Variants in ZNF536 observed in about 807,000 individuals in gnomAD.
ZNF536 encodes the protein zinc finger protein 536.
ZNF536 carries 13 observed loss-of-function variants against 84.5 expected under a neutral mutation model. That is an observed-to-expected ratio of 0.15 (90% CI 0.10 to 0.24). The LOEUF is 0.24. Among genes scored for constraint, ZNF536 ranks in the 10% least tolerant of loss-of-function variants. ZNF536 has a pLI of 1.00. For missense variants in ZNF536, 1,536 were observed against 1,747.5 expected (o/e 0.88, Z 2.16); for synonymous variants, 811 against 742.5 (o/e 1.09, Z -1.50).
chr19:30,318,624 A>G (rs1368052176), intron 2 of ZNF536, among the ~76,000 whole-genome samples: 1 of 152,234 alleles, frequency 6.6e-6, no homozygotes, highest in Non-Finnish European at 1.5e-5. Context: ...GGCTAACAAG[A>G]GGCACATTAG....
intron 2 of ZNF536, among the ~76,000 whole-genome samples, chr19:30,306,868 T>C (rs1458070722): frequency 6.6e-6 from 1 of 152,112 alleles, no homozygotes; most frequent in Admixed American, 6.5e-5. Context: ...AGCTTAAGTG[T>C]AAGAGCCACA....
At chr19:30,558,956 T>G (rs1340042914), downstream of ZNF536, among the ~76,000 whole-genome samples, 2 of 152,122 alleles carry the variant, frequency 1.3e-5, no homozygotes, top group Non-Finnish European at 2.9e-5. Context: ...AAATGCTCAT[T>G]GAACAACCCT....
intron 2 of ZNF536, among the ~76,000 whole-genome samples, chr19:30,497,702 A>G (rs528789161): frequency 1.3e-5 from 2 of 152,190 alleles, no homozygotes; most frequent in East Asian, 1.9e-4. Context: ...TTAAGATATT[A>G]CTTTCCAAAA....
rs60352241 is a variant in ZNF536 at position 30,485,603 on chromosome 19, C to CTTT, written c.2170+39880_2170+39882dup. 9.4e-3 allele frequency among the ~76,000 whole-genome samples: 1,325 copies of CTTT among 141,332 alleles called. 25 individuals are homozygous for CTTT. The highest frequency in any genetic ancestry group is 0.031 in the African/African-American group (1,214 of 39,374). The allele number at this position is 141,332 out of a possible 152,430, so 92.7% of individuals were successfully genotyped here. On this transcript the variant is annotated intron_variant, in intron 2 of 4. Coordinates refer to ENST00000355537, the MANE Select transcript of ZNF536 (RefSeq NM_014717.3). ...AGCAAGCAGTGGATCTTTTTTTCTTCTTTTTTTTTTTGTCTTTTCTTGGCC... is the reference window on the plus strand; with the variant it reads ...AGCAAGCAGTGGATCTTTTTTTCTTCTTTTTTTTTTTTTTGTCTTTTCTTGGCC...
intron 3 of ZNF536, among the ~76,000 whole-genome samples, chr19:30,360,232 T>C (rs1255891574): frequency 6.6e-6 from 1 of 152,224 alleles, no homozygotes; most frequent in Non-Finnish European, 1.5e-5. Flanking sequence ...GGGCCTCACC[T>C]CCTGTTGGCC....
intron 2 of ZNF536, among the ~76,000 whole-genome samples, chr19:30,339,518 AG>A (rs1354596246): frequency 6.6e-6 from 1 of 152,232 alleles, no homozygotes; most frequent in African/African-American, 2.4e-5. Flanking sequence ...CCTTGGTCTC[AG>A]GGTGTGGCAC....
intron 2 of ZNF536, among the ~76,000 whole-genome samples, chr19:30,308,643 T>TA (rs1203559545): frequency 6.6e-6 from 1 of 152,040 alleles, no homozygotes; most frequent in East Asian, 1.9e-4. Context: ...TAGAGGGAGT[T>TA]AAGGCCTGCT....
At chr19:30,321,564 AT>A (rs2046856968) in intron 2 of ZNF536, among the ~76,000 whole-genome samples, 1 of 152,152 alleles carries the variant, frequency 6.6e-6, no homozygotes. Context: ...TCTTAAAAAA[AT>A]AAATAAATAA....
At chr19:30,371,423 C>T (rs1198718158), upstream of ZNF536, among the ~76,000 whole-genome samples, 1 of 152,188 alleles carries the variant, frequency 6.6e-6, no homozygotes, top group Non-Finnish European at 1.5e-5. Context: ...GTGTACAGTA[C>T]AGCTGTGAAC....
chr19:30,580,500 C>T (rs923901689), intron 1 of ZNF536, among the ~76,000 whole-genome samples: 6 of 152,094 alleles, frequency 3.9e-5, no homozygotes, highest in Admixed American at 3.9e-4. Flanking sequence ...AAAGCAGGGG[C>T]TCTGTCTGTG....
intron 3 of ZNF536, among the ~76,000 whole-genome samples, chr19:30,543,018 C>G (rs907436920): frequency 4.6e-5 from 7 of 152,142 alleles, no homozygotes; most frequent in Non-Finnish European, 7.4e-5. Context: ...CCCTGTGTTG[C>G]CCATGCTGGT....
At chr19:30,231,822 C>G (rs923036885) in intron 1 of ZNF536, among the ~76,000 whole-genome samples, 5 of 151,128 alleles carry the variant, frequency 3.3e-5, no homozygotes, top group African/African-American at 4.9e-5. Flanking sequence ...GTGTGTGTGT[C>G]TGTCTGTCTG....
At chr19:30,712,916 C>G (rs1007343811) in exon 2 of ZNF536, 17 of 78,378 alleles carry the variant, frequency 2.2e-4, no homozygotes, top group African/African-American at 8.4e-4. Flanking sequence ...GGTATCTTAG[C>G]AAAGAAAAAT....
intron 2 of ZNF536, among the ~76,000 whole-genome samples, chr19:30,321,005 C>T (rs1190396262): frequency 6.6e-6 from 1 of 152,194 alleles, no homozygotes; most frequent in African/African-American, 2.4e-5. Flanking sequence ...CGCCTCTATT[C>T]CAGTGACACA....
chr19:30,266,783 T>A (rs1006201319), intron 1 of ZNF536, among the ~76,000 whole-genome samples: 22 of 152,330 alleles, frequency 1.4e-4, no homozygotes, highest in Middle Eastern at 3.4e-3. Context: ...ACCTTCTACT[T>A]AAGGCAGGAA....
At chr19:30,242,164 C>T (rs1054691308) in intron 1 of ZNF536, among the ~76,000 whole-genome samples, 2 of 151,972 alleles carry the variant, frequency 1.3e-5, no homozygotes, top group Admixed American at 6.6e-5. Flanking sequence ...TCCAAGTGGC[C>T]CTTCCCTCTT....
At chr19:30,711,109 C>T (rs571542009) in exon 2 of ZNF536, 2 of 151,846 alleles carry the variant, frequency 1.3e-5, no homozygotes, top group South Asian at 2.1e-4. Context: ...GTACAACCCC[C>T]CAATAGTGTA....
chr19:30,392,321 A>T (rs1465437429), intron 1 of ZNF536, among the ~76,000 whole-genome samples: 1 of 152,180 alleles, frequency 6.6e-6, no homozygotes. Context: ...AATCTAAAAT[A>T]TGAAGGGAGG....
intron 1 of ZNF536, among the ~76,000 whole-genome samples, chr19:30,604,431 GTGTT>G (rs1323531332): frequency 6.6e-6 from 1 of 151,984 alleles, no homozygotes. Flanking sequence ...TTTATAATGA[GTGTT>G]TATTATGTTT....
Sources: allele counts gnomAD v4.1 joint callset (sites outside exome capture counted in the v4.1 genomes callset), GRCh38; gene constraint gnomAD v4.1.1; transcripts MANE v1.5; gene names NCBI Gene and HGNC (gene_info 2026-07-23, HGNC 2026-07-21).